ANXA4: variants seen among roughly 807,000 people sequenced by gnomAD.
The protein encoded by ANXA4 is annexin A4.
ANXA4 carries 39 observed loss-of-function variants against 49.8 expected under a neutral mutation model. The observed-to-expected ratio is 0.78, with a 90% CI of 0.61 to 1.02. The LOEUF is 1.02. ANXA4 is among the 50% of genes least tolerant of loss of function. ANXA4 has a pLI of 0.00. For synonymous variants in ANXA4, 134 were observed against 152.5 expected (o/e 0.88, Z 0.89); for missense variants, 360 against 410.1 (o/e 0.88, Z 1.05).
At chr2:69,685,087 G>A (rs1677739529) in intron 2 of ANXA4, among the ~76,000 whole-genome samples, 1 of 152,086 alleles carries the variant, frequency 6.6e-6, no homozygotes, top group African/African-American at 2.4e-5. Flanking sequence ...GGAGTATTCT[G>A]ATTTTCAGAA....
intron 2 of ANXA4, among the ~76,000 whole-genome samples, chr2:69,684,632 G>A (rs1185405333): frequency 6.7e-6 from 1 of 149,316 alleles, no homozygotes; most frequent in Non-Finnish European, 1.5e-5. Flanking sequence ...AGACTGTAGT[G>A]AGCCATGTTT....
At chr2:69,812,139 T>C (rs965394329) in intron 7 of ANXA4, among the ~76,000 whole-genome samples, 3 of 143,660 alleles carry the variant, frequency 2.1e-5, no homozygotes, top group Admixed American at 1.4e-4. Flanking sequence ...TTTTTTTTTT[T>C]AAGATTCAAG....
At chr2:69,794,587 G>C (rs1672849413) in intron 3 of ANXA4, among the ~76,000 whole-genome samples, 1 of 139,788 alleles carries the variant, frequency 7.2e-6, no homozygotes, top group African/African-American at 2.6e-5. Flanking sequence ...TTTTGAGACG[G>C]AGTCTCACTC....
chr2:69,746,302 G>A (rs1405763831), intron 1 of ANXA4, among the ~76,000 whole-genome samples: 1 of 152,112 alleles, frequency 6.6e-6, no homozygotes, highest in African/African-American at 2.4e-5. Context: ...GAGCCACTGC[G>A]CCCGGCCAAG....
At chr2:69,810,727 C>A in intron 7 of ANXA4, 54 bp downstream of exon 7, 1 of 1,435,842 alleles carries the variant, frequency 7.0e-7, no homozygotes, top group South Asian at 1.1e-5. Context: ...CCACTCTATC[C>A]CCTTTGCCAG....
chr2:69,820,928 C>T (rs2103894886), intron 12 of ANXA4, 107 bp downstream of exon 12: 2 of 1,220,840 alleles, frequency 1.6e-6, no homozygotes, highest in Non-Finnish European at 2.2e-6. Flanking sequence ...TATCATTTCC[C>T]TTAAAGATTA....
rs60225306 is a variant in ANXA4, at chr2:69,660,775, GGAGAGAGAGAGA to G, written n.766+7506_766+7517del. Among the ~76,000 whole-genome samples the G allele has an allele frequency of 8.9e-5, 13 of 145,666 alleles. No individual in the cohort carries two copies. The East Asian group carries it at 2.4e-3, about 27-fold the overall frequency. On this transcript the variant is annotated intron_variant and non_coding_transcript_variant, in intron 2 of 3. Transcript: ENST00000418066. ...AGGCTATTTGCCAGAAGGGAGGGAG[GGAGAGAGAGAGA>G]GAGAGAGAGAGAATATGAGTGAAAA...
chr2:69,818,618 G>C lies in ANXA4; in HGVS notation c.648G>C (p.Arg216Ser), dbSNP rs1268882681. ...CTGCAGTGTTTGATGAATACAAAAG[G>C]ATATCACAGAAGGATATTGAACAGA... ...HLLHVFDEYK[R>S]ISQKDIEQSI... Residue 216 changes from arginine to serine, a missense_variant, in exon 10 of 13, where the codon AGG becomes AGC. Arg to Ser is a moderately radical substitution (Grantham distance 110, BLOSUM62 -1). Coordinates refer to ENST00000394295, the MANE Select transcript of ANXA4 (RefSeq NM_001153.5). 3.7e-6 allele frequency: 6 copies of C among 1,606,064 alleles called. No homozygotes were observed. The Middle Eastern group carries it at 8.3e-4, about 221-fold the overall frequency.
At chr2:69,762,111 T>C (rs1287390970) in intron 1 of ANXA4, among the ~76,000 whole-genome samples, 1 of 152,208 alleles carries the variant, frequency 6.6e-6, no homozygotes, top group Non-Finnish European at 1.5e-5. Flanking sequence ...AATTTAAATA[T>C]AATTAAAATG....
At chr2:69,765,143 G>C (rs547303660) in intron 1 of ANXA4, among the ~76,000 whole-genome samples, 1 of 152,148 alleles carries the variant, frequency 6.6e-6, no homozygotes, top group South Asian at 2.1e-4. Context: ...CACTTGTTTT[G>C]CTTCCACTTT....
In ANXA4 at chr2:69,727,695, T is replaced by C. The variant is rs539679866; in HGVS notation, n.864+6824T>C. ...TCAGGAAAAAGCCTACAAAAAATCT[T>C]GTGTTTCCTTCATCTGGCTTGATAT... On this transcript the variant is annotated intron_variant and non_coding_transcript_variant, in intron 3 of 3. Transcript: ENST00000418066. Among the ~76,000 whole-genome samples the C allele has an allele frequency of 3.9e-5, 6 of 152,362 alleles. No individual in the cohort carries two copies. The South Asian group carries it at 1.0e-3, about 26-fold the overall frequency.
chr2:69,777,421 C>T (rs745602585), intron 1 of ANXA4, among the ~76,000 whole-genome samples: 7 of 152,282 alleles, frequency 4.6e-5, no homozygotes, highest in East Asian at 1.9e-4. Flanking sequence ...GCTTTCCAGA[C>T]GTCCCCTCAT....
At chr2:69,693,233 G>A (rs1381517556) in intron 2 of ANXA4, among the ~76,000 whole-genome samples, 9 of 152,006 alleles carry the variant, frequency 5.9e-5, no homozygotes, top group Non-Finnish European at 1.2e-4. Context: ...AGAGTTGGTC[G>A]GTGCAGTTCT....
intron 3 of ANXA4, among the ~76,000 whole-genome samples, chr2:69,733,024 C>T (rs1243434871): frequency 1.3e-5 from 2 of 152,016 alleles, no homozygotes; most frequent in African/African-American, 4.8e-5. Flanking sequence ...GTTTTCTTTG[C>T]AAATAAATAT....
intron 2 of ANXA4, among the ~76,000 whole-genome samples, chr2:69,669,117 G>A (rs1357992018): frequency 6.6e-6 from 1 of 150,952 alleles, no homozygotes; most frequent in African/African-American, 2.4e-5. Context: ...GCTAATTTTT[G>A]TATTTTTAGT....
At chr2:69,709,507 C>G (rs1331219262) in intron 2 of ANXA4, among the ~76,000 whole-genome samples, 3 of 152,198 alleles carry the variant, frequency 2.0e-5, no homozygotes, top group Non-Finnish European at 4.4e-5. Context: ...CAGACACGCT[C>G]TCTTCTAAGT....
At chr2:69,729,043 C>T (rs1222552880) in intron 3 of ANXA4, among the ~76,000 whole-genome samples, 4 of 152,166 alleles carry the variant, frequency 2.6e-5, no homozygotes, top group African/African-American at 9.7e-5. Flanking sequence ...GAGATGGAGT[C>T]TGCTCTGTCG....
rs1381822518 is a variant in ANXA4 at position 69,796,284 on chromosome 2, T to G, written c.97+8143T>G. Among the ~76,000 whole-genome samples, 3 of 152,334 alleles carry G rather than the reference T, an allele frequency of 2.0e-5. No homozygotes were observed. The East Asian group carries it at 5.8e-4, about 29-fold the overall frequency. ...ATTAGTGGATGCTTCCTGAGGATCCTGGACTCTGCAAGCCTGCAAAGCATC... is the reference window on the plus strand; with the variant it reads ...ATTAGTGGATGCTTCCTGAGGATCCGGGACTCTGCAAGCCTGCAAAGCATC... On this transcript the variant is annotated intron_variant, in intron 3 of 12. Coordinates refer to ENST00000394295, the MANE Select transcript of ANXA4 (RefSeq NM_001153.5).
At chr2:69,765,604 G>A (rs1320718304) in intron 1 of ANXA4, among the ~76,000 whole-genome samples, 5 of 152,072 alleles carry the variant, frequency 3.3e-5, no homozygotes, top group Non-Finnish European at 7.4e-5. Flanking sequence ...AACCACTTTT[G>A]CACTTTCTAG....
Sources: gnomAD v4.1 joint callset for allele counts (sites outside exome capture counted in the v4.1 genomes callset) on GRCh38, gnomAD v4.1.1 for gene constraint, MANE v1.5 for transcripts, NCBI Gene and HGNC (gene_info 2026-07-23, HGNC 2026-07-21) for gene names.